The following GPBP1L1 variants were observed in gnomAD, a reference collection of about 807,000 sequenced individuals.
The protein encoded by GPBP1L1 is GC-rich promoter binding protein 1 like 1.
GPBP1L1 carries 23 observed loss-of-function variants against 52.5 expected under a neutral mutation model. The observed-to-expected ratio is 0.44, with a 90% CI of 0.32 to 0.62. The LOEUF (loss-of-function observed/expected upper bound fraction) is 0.62. Among genes scored for constraint, GPBP1L1 ranks in the 20% least tolerant of loss-of-function variants. The pLI is 0.06. For missense variants in GPBP1L1, 596 were observed against 579.3 expected (o/e 1.03, Z -0.30); for synonymous variants, 243 against 203.1 (o/e 1.20, Z -1.67).
intron 7 of GPBP1L1, among the ~76,000 whole-genome samples, chr1:45,640,947 C>A (rs571264533): frequency 2.6e-5 from 4 of 151,884 alleles, no homozygotes; most frequent in Admixed American, 2.6e-4. Flanking sequence ...GAGCCCAGGT[C>A]GAGGCTGCAG....
rs866615468 is a variant in GPBP1L1 at position 45,676,956 on chromosome 1, G to A, written c.-1098+8620C>T. 2.8e-4 allele frequency among the ~76,000 whole-genome samples: 43 copies of A among 151,736 alleles called. 1 individual carries two copies. The Middle Eastern group carries it at 0.034, about 121-fold the overall frequency. On this transcript the variant is annotated intron_variant, in intron 2 of 12. Coordinates refer to ENST00000355105, the MANE Select transcript of GPBP1L1 (RefSeq NM_021639.5). Reference sequence around the variant, plus strand: ...TGTAATCCCAATACTTTGGGAGGCCGAAGAGGGAGGATCACTTGAGCCCAG... The same window carrying A: ...TGTAATCCCAATACTTTGGGAGGCCAAAGAGGGAGGATCACTTGAGCCCAG...
intron 2 of GPBP1L1, among the ~76,000 whole-genome samples, chr1:45,676,122 T>A (rs191344402): frequency 6.6e-6 from 1 of 152,198 alleles, no homozygotes; most frequent in Admixed American, 6.5e-5. Flanking sequence ...TATTTCTAAT[T>A]CTTAACAGAA....
At chr1:45,636,599 C>G (rs753920036) in intron 8 of GPBP1L1, among the ~76,000 whole-genome samples, 1 of 152,138 alleles carries the variant, frequency 6.6e-6, no homozygotes, top group Non-Finnish European at 1.5e-5. Context: ...TTCCCTCTGC[C>G]GAGAATGCCC....
chr1:45,628,285 CACTGCT>C lies in GPBP1L1; in HGVS notation c.1390_1395del (p.Ser464_Ser465del). 6.2e-7 allele frequency: 1 copy of C among 1,614,098 alleles called. No homozygotes were observed. The highest frequency in any genetic ancestry group is 8.5e-7 in the Non-Finnish European group (1 of 1,180,000). ...TTCCAGGCATCGTCATCTGATGTTT[CACTGCT>C]ACTGGTTTCGGTGTCTGAGTCCTCA... On this transcript the variant is annotated inframe_deletion, in exon 13 of 13. Transcript: ENST00000355105.
intron 11 of GPBP1L1, 82 bp downstream of exon 11, chr1:45,630,400 T>C: frequency 2.7e-6 from 4 of 1,497,316 alleles, no homozygotes; most frequent in South Asian, 1.2e-5. Flanking sequence ...GTGGGACCTA[T>C]CTATCTGAGA....
intron 2 of GPBP1L1, among the ~76,000 whole-genome samples, chr1:45,671,698 C>T (rs1645074763): frequency 6.6e-6 from 1 of 152,044 alleles, no homozygotes; most frequent in Non-Finnish European, 1.5e-5. Context: ...GTGGCTTGCA[C>T]CTGTAGTCCC....
intron 2 of GPBP1L1, among the ~76,000 whole-genome samples, chr1:45,679,160 G>C (rs1195060315): frequency 6.6e-6 from 1 of 151,364 alleles, no homozygotes; most frequent in African/African-American, 2.4e-5. Flanking sequence ...TCACTTTTGA[G>C]AATTGGGGCA....
chr1:45,681,194 C>G (rs1476537302), intron 2 of GPBP1L1, among the ~76,000 whole-genome samples: 1 of 152,106 alleles, frequency 6.6e-6, no homozygotes, highest in Admixed American at 6.6e-5. Context: ...AGAGAAATTG[C>G]AAGAAAATGA....
intron 8 of GPBP1L1, among the ~76,000 whole-genome samples, chr1:45,637,459 C>G (rs1428917267): frequency 2.0e-5 from 3 of 149,226 alleles, no homozygotes; most frequent in African/African-American, 7.4e-5. Context: ...CCATTACCAC[C>G]TCTGCCAACT....
At chr1:45,639,261 G>C (rs1229438637) in intron 8 of GPBP1L1, among the ~76,000 whole-genome samples, 1 of 152,134 alleles carries the variant, frequency 6.6e-6, no homozygotes, top group African/African-American at 2.4e-5. Context: ...TGAGAAAATA[G>C]AAAGGTATAC....
rs1192871306 is a variant in GPBP1L1 at position 45,640,359 on chromosome 1, T to C, written c.595A>G (p.Lys199Glu). Residue 199 changes from lysine (K) to glutamate (E), a missense_variant, in exon 8 of 13, where the codon AAA (lysine) becomes GAA (glutamate). Lys to Glu is a moderately conservative substitution (Grantham distance 56). Transcript: ENST00000355105. Reference protein sequence around the residue: ...AKQPSKMLVIKKVSKEDPAAA... With the variant: ...AKQPSKMLVIEKVSKEDPAAA... ...GCAGGATCCTCTTTGGAAACTTTTT[T>C]GATAACTAGCATCTTGGAGGGTTGC... The C allele has an allele frequency of 6.2e-7, 1 of 1,614,206 alleles. No individual in the cohort carries two copies. The highest frequency in any genetic ancestry group is 8.5e-7 in the Non-Finnish European group (1 of 1,180,036).
At chr1:45,659,562 A>C (rs993400103) in intron 3 of GPBP1L1, among the ~76,000 whole-genome samples, 6 of 152,246 alleles carry the variant, frequency 3.9e-5, no homozygotes, top group Non-Finnish European at 1.5e-5. Context: ...AACATGAAGA[A>C]TTAAACATCT....
At chr1:45,681,549 C>T (rs1352946337) in intron 2 of GPBP1L1, among the ~76,000 whole-genome samples, 1 of 152,088 alleles carries the variant, frequency 6.6e-6, no homozygotes, top group South Asian at 2.1e-4. Context: ...AGAAAAACAC[C>T]CCTCCGTGTG....
At chr1:45,648,222 G>A (rs1380292196) in intron 6 of GPBP1L1, among the ~76,000 whole-genome samples, 3 of 152,222 alleles carry the variant, frequency 2.0e-5, no homozygotes, top group Non-Finnish European at 2.9e-5. Context: ...TCACAGGCGT[G>A]AGCCACTGAA....
chr1:45,679,429 G>C (rs1422777155), intron 2 of GPBP1L1, among the ~76,000 whole-genome samples: 1 of 152,172 alleles, frequency 6.6e-6, no homozygotes, highest in African/African-American at 2.4e-5. Context: ...CACTTCTGGT[G>C]CAAGTCCCCA....
chr1:45,679,643 T>C (rs1645188178), intron 2 of GPBP1L1, among the ~76,000 whole-genome samples: 1 of 152,144 alleles, frequency 6.6e-6, no homozygotes, highest in Admixed American at 6.5e-5. Flanking sequence ...CAAAGAACCA[T>C]TTTAAAGCCC....
chr1:45,664,867 T>G (rs1040210329), intron 2 of GPBP1L1, among the ~76,000 whole-genome samples: 4 of 152,016 alleles, frequency 2.6e-5, no homozygotes, highest in Non-Finnish European at 4.4e-5. Flanking sequence ...TTAGCAGAGA[T>G]AGAGTTTCGC....
chr1:45,675,191 G>A (rs1645124255), intron 2 of GPBP1L1, among the ~76,000 whole-genome samples: 1 of 152,084 alleles, frequency 6.6e-6, no homozygotes, highest in Non-Finnish European at 1.5e-5. Flanking sequence ...CAGCTACTTG[G>A]GAGGCTGAGG....
intron 6 of GPBP1L1, chr1:45,651,503 T>C (rs1161779921): frequency 9.1e-5 from 44 of 484,090 alleles, no homozygotes; most frequent in Non-Finnish European, 1.5e-4. Context: ...TGCTTCTTTC[T>C]CTTGCTTTGC....
Sources: allele counts gnomAD v4.1 joint callset (sites outside exome capture counted in the v4.1 genomes callset), GRCh38; gene constraint gnomAD v4.1.1; transcripts MANE v1.5; gene names NCBI Gene and HGNC (gene_info 2026-07-23, HGNC 2026-07-21).